GPN3: variants seen among roughly 807,000 people sequenced by gnomAD.
GPN3 encodes the protein GPN-loop GTPase 3, also known as ATP-binding domain 1 family member C.
Under a neutral mutation model 38.7 loss-of-function variants are expected in GPN3, and 31 were observed. That is an observed-to-expected ratio of 0.80 (90% CI 0.60 to 1.08). GPN3 has a LOEUF of 1.08. Among genes scored for constraint, GPN3 ranks in the 50% least tolerant of loss-of-function variants. The pLI is 0.00. For synonymous variants in GPN3, 116 were observed against 120.2 expected (o/e 0.96, Z 0.23); for missense variants, 301 against 354.4 (o/e 0.85, Z 1.21).
intron 3 of GPN3, among the ~76,000 whole-genome samples, 160 bp downstream of exon 3, chr12:110,459,535 C>G (rs896263451): frequency 2.0e-5 from 3 of 152,168 alleles, no homozygotes; most frequent in Non-Finnish European, 4.4e-5. Context: ...CCACTGCGCC[C>G]GGCCTCAACA....
At chr12:110,461,901 G>A (rs1482718008) in intron 2 of GPN3, among the ~76,000 whole-genome samples, 2 of 152,084 alleles carry the variant, frequency 1.3e-5, no homozygotes, top group African/African-American at 2.4e-5. Flanking sequence ...GAGTGCAGTG[G>A]CATAATCATG....
At chr12:110,465,689 C>T (rs771621092) in intron 1 of GPN3, among the ~76,000 whole-genome samples, 34 of 152,128 alleles carry the variant, frequency 2.2e-4, no homozygotes, top group African/African-American at 3.6e-4. Context: ...GATGAAAGAA[C>T]GCCAAGATCA....
At chr12:110,462,558 C>T (rs1319037595) in intron 2 of GPN3, among the ~76,000 whole-genome samples, 1 of 152,102 alleles carries the variant, frequency 6.6e-6, no homozygotes, top group Non-Finnish European at 1.5e-5. Context: ...GTACACCTGG[C>T]TAACTACAAC....
At position 110,459,849 on chromosome 12, in the gene GPN3, C is replaced by T; in HGVS notation, c.171G>A (p.Leu57=). Residue 57 remains leucine, a synonymous_variant, in exon 3 of 8, where the codon CTG becomes CTA. Coordinates refer to ENST00000228827, the MANE Select transcript of GPN3 (RefSeq NM_016301.4). ...NYSVMADIRE[L]IEVDDVMEDD... Reference sequence around the variant, plus strand: ...CCTCCATTACATCATCCACCTCGATCAGTTCCCGGATGTCTGAAAAGGACA... The same window carrying T: ...CCTCCATTACATCATCCACCTCGATTAGTTCCCGGATGTCTGAAAAGGACA... 1.2e-6 allele frequency: 2 copies of T among 1,613,956 alleles called. No individual in the cohort carries two copies. Among genetic ancestry groups the T allele is most frequent in the Non-Finnish European group, 1.7e-6 (2 of 1,179,820 alleles).
At chr12:110,461,483 C>A in intron 2 of GPN3, 1 of 516,174 alleles carries the variant, frequency 1.9e-6, no homozygotes, top group South Asian at 2.3e-5. Flanking sequence ...GCCTGTAATC[C>A]CAGCTGCTCG....
At chr12:110,468,673 G>A (rs1036207178), upstream of GPN3, 10 of 1,536,120 alleles carry the variant, frequency 6.5e-6, no homozygotes, top group African/African-American at 4.1e-5. Flanking sequence ...CTTCCACAGA[G>A]AGGTGCAAAC....
intron 1 of GPN3, 119 bp from the exon 2 acceptor site, chr12:110,465,333 G>C (rs905150159): frequency 2.0e-5 from 14 of 688,482 alleles, no homozygotes; most frequent in Non-Finnish European, 3.5e-5. Context: ...GAGGCTGACT[G>C]ACAACAAGGG....
chr12:110,466,972 C>A lies in GPN3; in HGVS notation c.48+1184G>T, dbSNP rs148708253. Among the ~76,000 whole-genome samples, 103 of 152,014 alleles carry A rather than the reference C, an allele frequency of 6.8e-4. 1 individual carries two copies. In the East Asian group the frequency reaches 0.018, roughly 27 times the overall value. On this transcript the variant is annotated intron_variant, in intron 1 of 7. Coordinates refer to ENST00000228827, the MANE Select transcript of GPN3 (RefSeq NM_016301.4). The stretch of plus-strand genomic sequence containing the variant: ...AGACTGAGGCCACACAACACCTCCA[C>A]AGACTCTAGTGTTTCCACACTTCTT...
At chr12:110,464,765 TTG>T (rs2062614943) in intron 2 of GPN3, 1 of 240,996 alleles carries the variant, frequency 4.1e-6, no homozygotes. Context: ...GCTGATTTTT[TTG>T]TGTTTTTAGT....
upstream of GPN3, chr12:110,468,260 G>A: frequency 6.2e-7 from 1 of 1,603,398 alleles, no homozygotes; most frequent in African/African-American, 1.3e-5. Context: ...CGCCCACTGA[G>A]CTCCGGGAAA....
chr12:110,468,556 G>C (rs573249870), upstream of GPN3: 23 of 1,537,196 alleles, frequency 1.5e-5, no homozygotes, highest in East Asian at 2.4e-5. Flanking sequence ...CGTTTGACCT[G>C]TATGGTGACC....
chr12:110,459,390 G>A (rs1424330354), intron 3 of GPN3, among the ~76,000 whole-genome samples: 2 of 151,868 alleles, frequency 1.3e-5, no homozygotes, highest in African/African-American at 4.8e-5. Context: ...ACAGGCGCCC[G>A]CCACCATGCC....
At chr12:110,453,486 T>G (rs777554044) in intron 7 of GPN3, among the ~76,000 whole-genome samples, 2 of 152,182 alleles carry the variant, frequency 1.3e-5, no homozygotes, top group Non-Finnish European at 2.9e-5. Context: ...CAGCCCAATT[T>G]CACCTCCTCT....
At position 110,452,859 on chromosome 12, in the gene GPN3, ACAG is replaced by A; in HGVS notation, c.*172_*174del. On this transcript the variant is annotated 3_prime_UTR_variant, in exon 8 of 8. Coordinates refer to ENST00000228827, the MANE Select transcript of GPN3 (RefSeq NM_016301.4). ...ATAATACTAAAAGATTCCACTTTAA[ACAG>A]CAGCAGTTTCAGAATAATTAAAAAT... is the stretch of plus-strand genomic sequence containing the variant. The A allele has an allele frequency of 1.7e-6, 1 of 590,848 alleles. No homozygotes were observed. The allele number at this position is 590,848 out of a possible 1,614,324, so 36.6% of individuals were successfully genotyped here.
chr12:110,466,150 A>AAT (rs2135530058), intron 1 of GPN3, among the ~76,000 whole-genome samples: 1 of 152,198 alleles, frequency 6.6e-6, no homozygotes, highest in African/African-American at 2.4e-5. Flanking sequence ...TGTCTTATTC[A>AAT]GTTTCCCAAG....
chr12:110,452,987 G>A lies in GPN3; in HGVS notation c.*47C>T, dbSNP rs1336360992. ...CATCCTTTGAAGAGAAGAATGTTCT[G>A]CTGGTTTGGCCACAAGCTCTTTAGA... On this transcript the variant is annotated 3_prime_UTR_variant, in exon 8 of 8. Transcript: ENST00000228827. 2.4e-6 allele frequency: 2 copies of A among 829,138 alleles called. No individual in the cohort carries two copies. Among genetic ancestry groups the A allele is most frequent in the Non-Finnish European group, 4.3e-6 (2 of 463,110 alleles). The allele number at this position is 829,138 out of a possible 1,614,324, so 51.4% of individuals were successfully genotyped here.
At chr12:110,468,130 C>T in intron 1 of GPN3, 26 bp downstream of exon 1, 1 of 1,614,082 alleles carries the variant, frequency 6.2e-7, no homozygotes, top group South Asian at 1.1e-5. Context: ...TCCTACTTTT[C>T]TCTCCTTGTC....
upstream of GPN3, chr12:110,468,702 C>T (rs1235550508): frequency 1.3e-6 from 2 of 1,518,600 alleles, no homozygotes; most frequent in East Asian, 4.9e-5. Context: ...GCTCAGCGAC[C>T]GCAGCGCTCC....
At chr12:110,453,422 A>G (rs570020606) in intron 7 of GPN3, among the ~76,000 whole-genome samples, 1 of 152,174 alleles carries the variant, frequency 6.6e-6, no homozygotes, top group Non-Finnish European at 1.5e-5. Flanking sequence ...ATAAAAAAAT[A>G]AAAAAATGCT....
Sources: gnomAD v4.1 joint callset for allele counts (sites outside exome capture counted in the v4.1 genomes callset) on GRCh38, gnomAD v4.1.1 for gene constraint, MANE v1.5 for transcripts, NCBI Gene and HGNC (gene_info 2026-07-23, HGNC 2026-07-21) for gene names.